The following HOOK3 variants were observed in gnomAD, a reference collection of about 807,000 sequenced individuals.
The protein encoded by HOOK3 is protein Hook homolog 3.
A neutral mutation model predicts 116.3 loss-of-function variants in HOOK3; 24 were observed. The observed-to-expected ratio is 0.21, with a 90% CI of 0.15 to 0.29. The LOEUF is 0.29. Ranked by LOEUF, HOOK3 falls within the 10% of genes least tolerant of loss-of-function variation. The probability of loss-of-function intolerance (pLI) is 1.00; values close to 1 mark genes in which losing one functional copy is unlikely to be tolerated. For missense variants in HOOK3, 632 were observed against 830.2 expected (o/e 0.76, Z 2.93); for synonymous variants, 275 against 283.0 (o/e 0.97, Z 0.28).
intron 2 of HOOK3, among the ~76,000 whole-genome samples, chr8:42,915,905 C>T (rs1260798615): frequency 6.6e-6 from 1 of 152,126 alleles, no homozygotes; most frequent in Non-Finnish European, 1.5e-5. Flanking sequence ...CATTAGTGTC[C>T]CATTTCACTC....
intron 16 of HOOK3, 43 bp downstream of exon 16, chr8:42,997,680 A>G (rs1809305483): frequency 9.8e-7 from 1 of 1,018,100 alleles, no homozygotes; most frequent in Admixed American, 1.7e-5. Context: ...CAGTTTCACA[A>G]TGTTGAGAAA....
At chr8:43,007,613 T>C (rs1254483260) in intron 17 of HOOK3, among the ~76,000 whole-genome samples, 1 of 152,200 alleles carries the variant, frequency 6.6e-6, no homozygotes, top group Non-Finnish European at 1.5e-5. Context: ...TACCCTCTCT[T>C]TATGCAGGTC....
chr8:42,931,371 C>T (rs1417797543), intron 4 of HOOK3, among the ~76,000 whole-genome samples: 1 of 150,848 alleles, frequency 6.6e-6, no homozygotes, highest in African/African-American at 2.4e-5. Flanking sequence ...TATCAGCAGT[C>T]TCCTTATTTG....
chr8:42,932,250 AT>A (rs1305616014), intron 4 of HOOK3, among the ~76,000 whole-genome samples: 1 of 152,136 alleles, frequency 6.6e-6, no homozygotes, highest in Non-Finnish European at 1.5e-5. Flanking sequence ...CGTTGACAAA[AT>A]GTTTTTTTCC....
chr8:43,016,056 A>G (rs992632749), intron 21 of HOOK3, among the ~76,000 whole-genome samples: 2 of 150,202 alleles, frequency 1.3e-5, no homozygotes, highest in Non-Finnish European at 3.0e-5. Context: ...GACTTCACAT[A>G]TTTTGTTTCT....
At chr8:43,014,254 C>T (rs150480040) in intron 21 of HOOK3, among the ~76,000 whole-genome samples, 3,382 of 143,298 alleles carry the variant, frequency 0.024, 147 homozygotes, top group African/African-American at 0.085. Flanking sequence ...CCATTGCACT[C>T]CAGCCTGGGT....
At chr8:42,902,228 C>A (rs540092414) in intron 1 of HOOK3, among the ~76,000 whole-genome samples, 1 of 151,544 alleles carries the variant, frequency 6.6e-6, no homozygotes, top group East Asian at 1.9e-4. Flanking sequence ...CACACAGATT[C>A]TGATTCAGTA....
chr8:42,991,272 G>A (rs1441651756), intron 15 of HOOK3, among the ~76,000 whole-genome samples: 1 of 151,938 alleles, frequency 6.6e-6, no homozygotes, highest in Non-Finnish European at 1.5e-5. Flanking sequence ...TGGTTATTCT[G>A]GGTATTCTGT....
At chr8:42,949,402 G>A (rs1231190570) in intron 5 of HOOK3, 1 of 152,168 alleles carries the variant, frequency 6.6e-6, no homozygotes, top group African/African-American at 2.4e-5. Flanking sequence ...GACCGGTCAA[G>A]TGACTTAGTG....
At chr8:42,915,958 A>G (rs1807525348) in intron 2 of HOOK3, among the ~76,000 whole-genome samples, 1 of 152,222 alleles carries the variant, frequency 6.6e-6, no homozygotes, top group Non-Finnish European at 1.5e-5. Flanking sequence ...TGAGATCCTA[A>G]GTGATGTGGG....
chr8:42,927,455 C>T (rs930234071), intron 3 of HOOK3, among the ~76,000 whole-genome samples: 67 of 152,078 alleles, frequency 4.4e-4, no homozygotes, highest in African/African-American at 1.5e-3. Context: ...ATGGTTTCGT[C>T]ATGTTGGCTA....
chr8:42,994,054 T>C (rs1459091536), intron 15 of HOOK3, among the ~76,000 whole-genome samples: 2 of 152,226 alleles, frequency 1.3e-5, no homozygotes, highest in Non-Finnish European at 2.9e-5. Context: ...TCTCACTCTG[T>C]CACCCAGGCT....
chr8:42,945,559 C>T (rs1808211020), intron 5 of HOOK3, among the ~76,000 whole-genome samples: 1 of 152,168 alleles, frequency 6.6e-6, no homozygotes, highest in African/African-American at 2.4e-5. Context: ...GATCCACCCG[C>T]CTTGGCTTCC....
At chr8:42,979,379 T>G (rs1362251448) in intron 13 of HOOK3, among the ~76,000 whole-genome samples, 1 of 152,146 alleles carries the variant, frequency 6.6e-6, no homozygotes, top group Non-Finnish European at 1.5e-5. Flanking sequence ...GGAACTTAGA[T>G]CCTAAGGAGA....
intron 15 of HOOK3, among the ~76,000 whole-genome samples, chr8:42,989,309 A>G (rs542436242): frequency 1.3e-5 from 2 of 152,324 alleles, no homozygotes; most frequent in South Asian, 4.1e-4. Flanking sequence ...AACTATCTCA[A>G]TCCCTGAAGT....
In HOOK3 at chr8:43,027,636, A is replaced by G; in HGVS notation, c.*9138A>G. ...AACATAACACATAAGGACGAAATAC[A>G]ATGTTCTGAATATCTTCCACTAATT... On this transcript the variant is annotated 3_prime_UTR_variant, in exon 22 of 22. Transcript: ENST00000307602. The G allele has an allele frequency of 4.6e-6, 1 of 216,744 alleles. No individual in the cohort carries two copies. Among genetic ancestry groups the G allele is most frequent in the Non-Finnish European group, 9.4e-6 (1 of 105,890 alleles). The allele number at this position is 216,744 out of a possible 1,614,324, so 13.4% of individuals were successfully genotyped here. A position where few individuals can be genotyped will look rare whatever the true frequency, so the allele number is the denominator to read the frequency against.
intron 9 of HOOK3, among the ~76,000 whole-genome samples, chr8:42,965,732 G>A (rs1015859286): frequency 2.6e-5 from 4 of 151,554 alleles, no homozygotes; most frequent in African/African-American, 9.7e-5. Flanking sequence ...TCAGTGAAAT[G>A]TTTCTGGATT....
intron 4 of HOOK3, among the ~76,000 whole-genome samples, chr8:42,939,499 C>T (rs1221124091): frequency 2.5e-4 from 36 of 146,882 alleles, no homozygotes; most frequent in East Asian, 6.3e-4. Flanking sequence ...ACCTCCCGGA[C>T]GGGGCGGCTG....
intron 17 of HOOK3, among the ~76,000 whole-genome samples, chr8:43,003,864 A>T (rs1340487767): frequency 6.6e-6 from 1 of 152,182 alleles, no homozygotes; most frequent in Non-Finnish European, 1.5e-5. Flanking sequence ...TGACCTTCTT[A>T]TAAGGATGCC....
Sources: gnomAD v4.1 joint callset for allele counts (sites outside exome capture counted in the v4.1 genomes callset) on GRCh38, gnomAD v4.1.1 for gene constraint, MANE v1.5 for transcripts, NCBI Gene and HGNC (gene_info 2026-07-23, HGNC 2026-07-21) for gene names.